PRKG1: variants seen among roughly 807,000 people sequenced by gnomAD.
The protein encoded by PRKG1 is cGMP-dependent protein kinase 1.
In PRKG1, 35 loss-of-function variants were observed where a neutral mutation model predicts 88.1. The ratio of observed to expected loss-of-function variants is 0.40; its 90% CI spans 0.30 to 0.53. PRKG1 has a LOEUF of 0.53. Ranked by LOEUF, PRKG1 falls within the 20% of genes least tolerant of loss-of-function variation. The pLI, the probability that PRKG1 is intolerant of heterozygous loss-of-function variation, is 0.59. For missense variants in PRKG1, 540 were observed against 839.8 expected (o/e 0.64, Z 4.41); for synonymous variants, 303 against 292.5 (o/e 1.04, Z -0.37).
intron 3 of PRKG1, among the ~76,000 whole-genome samples, chr10:51,574,477 C>A (rs139066969): frequency 1.1e-3 from 173 of 152,034 alleles, no homozygotes; most frequent in African/African-American, 3.9e-3. Context: ...TGTCATATCT[C>A]TAAATAATAA....
intron 9 of PRKG1, among the ~76,000 whole-genome samples, chr10:52,164,399 C>A (rs189398531): frequency 8.6e-5 from 12 of 138,776 alleles, no homozygotes; most frequent in African/African-American, 2.7e-4. Flanking sequence ...TAAAGTATAT[C>A]ACTAGAAATA....
intron 1 of PRKG1, among the ~76,000 whole-genome samples, chr10:51,040,932 G>A (rs1564578927): frequency 1.3e-5 from 2 of 151,882 alleles, no homozygotes; most frequent in South Asian, 4.2e-4. Flanking sequence ...CTGTAAACAA[G>A]GATAATTTGA....
chr10:52,205,981 T>A (rs956954810), intron 9 of PRKG1, among the ~76,000 whole-genome samples: 5 of 152,212 alleles, frequency 3.3e-5, no homozygotes, highest in African/African-American at 1.2e-4. Flanking sequence ...GTTGGAGAAA[T>A]TGCCATGAAT....
chr10:51,568,258 C>G (rs1017390191), intron 3 of PRKG1, among the ~76,000 whole-genome samples: 1 of 152,026 alleles, frequency 6.6e-6, no homozygotes, highest in African/African-American at 2.4e-5. Context: ...TTTTCGGATT[C>G]AAATGCATAT....
At position 51,858,306 on chromosome 10, in the gene PRKG1, A is replaced by ATAT. The variant is rs1221721162; in HGVS notation, c.699-49200_699-49198dup. 7.1e-4 allele frequency among the ~76,000 whole-genome samples: 12 copies of ATAT among 17,008 alleles called. 2 individuals carry two copies. Among genetic ancestry groups the ATAT allele is most frequent in the Non-Finnish European group, 1.2e-3 (10 of 8,638 alleles). 11.2% of individuals were successfully genotyped at this position (17,008 alleles called of 152,430 possible). A position where few individuals can be genotyped will look rare whatever the true frequency, so the allele number is the denominator to read the frequency against. On this transcript the variant is annotated intron_variant, in intron 4 of 17. Coordinates refer to ENST00000373980, the MANE Select transcript of PRKG1 (RefSeq NM_006258.4). ...GTATAATTATACATATGTATAATAT[A>ATAT]TATATGTATAATATGTATTATATAT...
chr10:51,191,939 A>G (rs920372261), intron 2 of PRKG1, among the ~76,000 whole-genome samples: 3 of 151,848 alleles, frequency 2.0e-5, no homozygotes, highest in Non-Finnish European at 2.9e-5. Flanking sequence ...TCTGTGGGTC[A>G]TACTGAAGAG....
chr10:51,562,406 A>G (rs10998152), intron 3 of PRKG1, among the ~76,000 whole-genome samples: 22,256 of 152,096 alleles, frequency 0.15, 1,794 homozygotes, highest in African/African-American at 0.21. Flanking sequence ...ACTTAGCAGA[A>G]TTGTGAGGTT....
At position 51,034,668 on chromosome 10, in the gene PRKG1, T is replaced by TTATATATA. The variant is rs1554831108; in HGVS notation, c.266+43056_266+43063dup. On this transcript the variant is annotated intron_variant, in intron 1 of 17. Coordinates refer to the PRKG1 transcript ENST00000401604. ...AGCAAAATTATATATAATATGTTAT[T>TTATATATA]TATATATATATATATATATATATAT... 3.0e-3 allele frequency among the ~76,000 whole-genome samples: 201 copies of TTATATATA among 68,060 alleles called. 1 individual carries two copies. Among genetic ancestry groups the TTATATATA allele is most frequent in the Admixed American group, 4.7e-3 (23 of 4,864 alleles). 44.7% of individuals were successfully genotyped at this position (68,060 alleles called of 152,430 possible). A position where few individuals can be genotyped will look rare whatever the true frequency, so the allele number is the denominator to read the frequency against.
chr10:52,273,242 G>GT (rs1564541092), intron 12 of PRKG1, among the ~76,000 whole-genome samples: 3 of 151,482 alleles, frequency 2.0e-5, no homozygotes. Flanking sequence ...TCTACCCTGT[G>GT]TTTTTTTAAA....
At chr10:50,999,435 A>G (rs886629006) in intron 1 of PRKG1, among the ~76,000 whole-genome samples, 1 of 152,170 alleles carries the variant, frequency 6.6e-6, no homozygotes, top group Non-Finnish European at 1.5e-5. Context: ...GTATATTGCA[A>G]CTACACTTCT....
chr10:51,313,333 A>G (rs1412127102), intron 2 of PRKG1, among the ~76,000 whole-genome samples: 1 of 152,108 alleles, frequency 6.6e-6, no homozygotes, highest in African/African-American at 2.4e-5. Flanking sequence ...AAAGAGTAAG[A>G]TACAGTTCTA....
intron 2 of PRKG1, among the ~76,000 whole-genome samples, chr10:51,453,215 C>T (rs1381352476): frequency 6.6e-6 from 1 of 151,894 alleles, no homozygotes; most frequent in Non-Finnish European, 1.5e-5. Flanking sequence ...AATGGTCTAT[C>T]AGTTTGGTTT....
chr10:51,944,682 A>C (rs191329829), intron 5 of PRKG1, among the ~76,000 whole-genome samples: 36 of 152,180 alleles, frequency 2.4e-4, no homozygotes, highest in Admixed American at 5.9e-4. Context: ...TTCAAAGAAC[A>C]TCTTTATTTC....
chr10:51,962,100 CAA>C (rs1421099549), intron 5 of PRKG1, among the ~76,000 whole-genome samples: 1 of 152,134 alleles, frequency 6.6e-6, no homozygotes, highest in African/African-American at 2.4e-5. Context: ...GGCTTGAAAG[CAA>C]AGAGTACACC....
At chr10:52,048,645 G>A (rs889713691) in intron 5 of PRKG1, among the ~76,000 whole-genome samples, 2 of 152,020 alleles carry the variant, frequency 1.3e-5, no homozygotes, top group Non-Finnish European at 2.9e-5. Context: ...TTCTGAGAAC[G>A]CAAAGGCACA....
intron 3 of PRKG1, among the ~76,000 whole-genome samples, chr10:51,675,525 A>C (rs887178481): frequency 1.3e-5 from 2 of 152,186 alleles, no homozygotes; most frequent in African/African-American, 4.8e-5. Context: ...GAGTTGTCAA[A>C]GTTCTACATG....
intron 9 of PRKG1, among the ~76,000 whole-genome samples, chr10:52,226,493 G>A (rs1840391655): frequency 1.3e-5 from 2 of 152,094 alleles, no homozygotes; most frequent in South Asian, 4.1e-4. Flanking sequence ...CAGAGCAAAG[G>A]TGATGTTTTA....
intron 3 of PRKG1, among the ~76,000 whole-genome samples, chr10:51,571,861 G>A (rs144143741): frequency 2.1e-3 from 326 of 151,896 alleles, no homozygotes; most frequent in African/African-American, 7.3e-3. Context: ...ACCTTTCTGA[G>A]ATGTGCAGAT....
chr10:51,236,801 G>C (rs1177722602), intron 2 of PRKG1, among the ~76,000 whole-genome samples: 1 of 152,124 alleles, frequency 6.6e-6, no homozygotes, highest in East Asian at 1.9e-4. Flanking sequence ...ACCACGCTCA[G>C]CCATGAACCA....
Sources: gnomAD v4.1 joint callset for allele counts (sites outside exome capture counted in the v4.1 genomes callset) on GRCh38, gnomAD v4.1.1 for gene constraint, MANE v1.5 for transcripts, NCBI Gene and HGNC (gene_info 2026-07-23, HGNC 2026-07-21) for gene names.